FMNL2: variants seen among roughly 807,000 people sequenced by gnomAD.
FMNL2 encodes the protein formin like 2.
In FMNL2, 51 loss-of-function variants were observed where a neutral mutation model predicts 130.2. The observed-to-expected ratio is 0.39, with a 90% CI of 0.31 to 0.49. FMNL2 has a LOEUF of 0.49. Among genes scored for constraint, FMNL2 ranks in the 20% least tolerant of loss-of-function variants. The probability of loss-of-function intolerance (pLI) is 0.85; values close to 1 mark genes in which losing one functional copy is unlikely to be tolerated. For synonymous variants in FMNL2, 465 were observed against 467.1 expected (o/e 1.00, Z 0.06); for missense variants, 977 against 1,316.2 (o/e 0.74, Z 3.99).
chr2:152,604,438 C>A (rs570850228), intron 9 of FMNL2, among the ~76,000 whole-genome samples: 3 of 151,126 alleles, frequency 2.0e-5, no homozygotes, highest in Non-Finnish European at 4.4e-5. Flanking sequence ...TGTTCACGAA[C>A]AGCTGTTGCC....
chr2:152,523,072 T>C (rs6706231), intron 2 of FMNL2, among the ~76,000 whole-genome samples: 33,715 of 152,114 alleles, frequency 0.22, 4,098 homozygotes, highest in Middle Eastern at 0.3. Context: ...AAATATTAAT[T>C]TTACTTAAGC....
intron 1 of FMNL2, among the ~76,000 whole-genome samples, chr2:152,440,500 T>C (rs530312505): frequency 1.3e-5 from 2 of 152,342 alleles, no homozygotes; most frequent in East Asian, 3.9e-4. Context: ...GGGTCAGGAA[T>C]TCTTCCCTTT....
intron 1 of FMNL2, among the ~76,000 whole-genome samples, chr2:152,345,619 CTT>C: frequency 6.6e-6 from 1 of 152,324 alleles, no homozygotes; most frequent in Non-Finnish European, 1.5e-5. Context: ...GAAATTTTCT[CTT>C]TGGTGACAAT....
At chr2:152,573,471 C>G (rs12989943) in intron 6 of FMNL2, among the ~76,000 whole-genome samples, 118,605 of 152,040 alleles carry the variant, frequency 0.78, 46,607 homozygotes, top group African/African-American at 0.86. Flanking sequence ...GAGGAGACTT[C>G]TGGTTTTGCC....
intron 6 of FMNL2, among the ~76,000 whole-genome samples, chr2:152,567,760 C>T (rs1050488649): frequency 1.3e-5 from 2 of 152,178 alleles, no homozygotes; most frequent in African/African-American, 4.8e-5. Flanking sequence ...GTGGGTTGAA[C>T]CCTTATGTCA....
intron 2 of FMNL2, among the ~76,000 whole-genome samples, chr2:152,523,716 C>T (rs571266411): frequency 6.6e-6 from 1 of 152,130 alleles, no homozygotes; most frequent in East Asian, 1.9e-4. Flanking sequence ...CATGAAGTGG[C>T]CGTTCATTAT....
At chr2:152,516,042 C>T (rs933449046) in intron 1 of FMNL2, among the ~76,000 whole-genome samples, 1 of 152,062 alleles carries the variant, frequency 6.6e-6, no homozygotes, top group Non-Finnish European at 1.5e-5. Flanking sequence ...ATGAGTAAAT[C>T]CTTGCTTGCA....
chr2:152,492,299 G>T (rs1426826623), intron 1 of FMNL2, among the ~76,000 whole-genome samples: 1 of 152,020 alleles, frequency 6.6e-6, no homozygotes, highest in African/African-American at 2.4e-5. Context: ...TTAAATCAAG[G>T]CTCATACACA....
At position 152,645,387 on chromosome 2, in the gene FMNL2, C is replaced by T. The variant is rs1288316142; in HGVS notation, c.3170-2409C>T. The T allele has an allele frequency of 2.7e-6, 3 of 1,124,830 alleles. No individual in the cohort carries two copies. The Admixed American group carries it at 7.1e-5, about 27-fold the overall frequency. 69.7% of individuals were successfully genotyped at this position (1,124,830 alleles called of 1,614,324 possible). On this transcript the variant is annotated intron_variant, in intron 25 of 25. Coordinates refer to ENST00000288670, the MANE Select transcript of FMNL2 (RefSeq NM_052905.4). ...GTTGAGTTGCTTTCCATTTTCATCC[C>T]ATTTTTTCTTAACCATCATTTTGTG...
At chr2:152,458,066 T>A (rs542029958) in intron 1 of FMNL2, among the ~76,000 whole-genome samples, 1 of 152,318 alleles carries the variant, frequency 6.6e-6, no homozygotes, top group East Asian at 1.9e-4. Context: ...AAGTCTCCTT[T>A]GCCATGTATG....
intron 5 of FMNL2, among the ~76,000 whole-genome samples, chr2:152,559,505 T>C (rs1381279078): frequency 6.6e-6 from 1 of 152,176 alleles, no homozygotes; most frequent in Non-Finnish European, 1.5e-5. Flanking sequence ...GGTTTCACCA[T>C]GTTGGGCAAG....
intron 1 of FMNL2, among the ~76,000 whole-genome samples, chr2:152,441,395 A>G (rs1260339499): frequency 6.6e-6 from 1 of 152,190 alleles, no homozygotes; most frequent in Non-Finnish European, 1.5e-5. Context: ...GAGGAAAGAC[A>G]GAGTGGTAGT....
At chr2:152,428,459 C>A (rs1047597043) in intron 1 of FMNL2, among the ~76,000 whole-genome samples, 20 of 152,228 alleles carry the variant, frequency 1.3e-4, no homozygotes, top group South Asian at 4.1e-4. Context: ...GTGTTGCCTG[C>A]AGTATTTTTC....
intron 9 of FMNL2, among the ~76,000 whole-genome samples, chr2:152,607,006 GT>G (rs58237890): frequency 2.7e-3 from 228 of 84,874 alleles, no homozygotes; most frequent in African/African-American, 8.3e-3. Context: ...TTTTTTTTTT[GT>G]TTTTTTTTTT....
intron 1 of FMNL2, among the ~76,000 whole-genome samples, chr2:152,382,454 A>C (rs138034971): frequency 1.3e-5 from 2 of 152,202 alleles, no homozygotes; most frequent in Non-Finnish European, 2.9e-5. Context: ...TCTAATTTTC[A>C]GTGCTTCCTG....
At chr2:152,447,959 C>T (rs998969129) in intron 1 of FMNL2, among the ~76,000 whole-genome samples, 17 of 152,078 alleles carry the variant, frequency 1.1e-4, no homozygotes, top group South Asian at 8.3e-4. Context: ...TGTAACAAGA[C>T]CACTAGTCTC....
intron 1 of FMNL2, among the ~76,000 whole-genome samples, chr2:152,411,234 A>G (rs1031122983): frequency 6.6e-6 from 1 of 152,192 alleles, no homozygotes; most frequent in African/African-American, 2.4e-5. Flanking sequence ...AATTCTGGGA[A>G]GGGAAGGTAA....
At chr2:152,372,641 AG>A (rs1247786978) in intron 1 of FMNL2, among the ~76,000 whole-genome samples, 1 of 152,170 alleles carries the variant, frequency 6.6e-6, no homozygotes, top group Non-Finnish European at 1.5e-5. Flanking sequence ...TAACCTTGGC[AG>A]GGTCTGTATG....
rs796954245 is a variant in FMNL2, at chr2:152,375,877, C to CTCTCTCTCTCTCTATATATATA, written c.117+40158_117+40159insCTCTCTCTCTCTATATATATAT. On this transcript the variant is annotated intron_variant, in intron 1 of 25. Coordinates refer to ENST00000288670, the MANE Select transcript of FMNL2 (RefSeq NM_052905.4). Reference sequence around the variant, plus strand: ...TCTCTCTCTCTCTCTCTCTCTCTCTCTATATATATATATATATATAATTAT... The same window carrying CTCTCTCTCTCTCTATATATATA: ...TCTCTCTCTCTCTCTCTCTCTCTCTCTCTCTCTCTCTCTATATATATATATATATATATATATATATAATTAT... Among the ~76,000 whole-genome samples, 54 of 112,450 alleles carry CTCTCTCTCTCTCTATATATATA rather than the reference C, an allele frequency of 4.8e-4. 1 individual carries two copies. The East Asian group carries it at 0.011, about 23-fold the overall frequency. 73.8% of individuals were successfully genotyped at this position (112,450 alleles called of 152,430 possible). A position where few individuals can be genotyped will look rare whatever the true frequency, so the allele number is the denominator to read the frequency against.
Sources: allele counts gnomAD v4.1 joint callset (sites outside exome capture counted in the v4.1 genomes callset), GRCh38; gene constraint gnomAD v4.1.1; transcripts MANE v1.5; gene names NCBI Gene and HGNC (gene_info 2026-07-23, HGNC 2026-07-21).